The following PSME4 variants were observed in gnomAD, a reference collection of about 807,000 sequenced individuals.
The protein encoded by PSME4 is proteasome activator complex subunit 4.
In PSME4, 89 loss-of-function variants were observed where a neutral mutation model predicts 253.9. That is an observed-to-expected ratio of 0.35 (90% CI 0.30 to 0.42). The LOEUF (loss-of-function observed/expected upper bound fraction) is 0.42. Among genes scored for constraint, PSME4 ranks in the 10% least tolerant of loss-of-function variants. The pLI, the probability that PSME4 is intolerant of heterozygous loss-of-function variation, is 1.00. For missense variants in PSME4, 2,014 were observed against 2,195.2 expected (o/e 0.92, Z 1.65); for synonymous variants, 851 against 759.2 (o/e 1.12, Z -1.99).
intron 36 of PSME4, 74 bp downstream of exon 36, chr2:53,892,734 G>T: frequency 1.5e-6 from 2 of 1,341,444 alleles, no homozygotes; most frequent in African/African-American, 1.5e-5. Flanking sequence ...AGTATCTAAT[G>T]TGTTGGGAAT....
chr2:53,877,718 A>G (rs1679201649), intron 41 of PSME4, among the ~76,000 whole-genome samples: 1 of 152,186 alleles, frequency 6.6e-6, no homozygotes, highest in Non-Finnish European at 1.5e-5. Flanking sequence ...GGCCAAAGAC[A>G]GAGCCCAAGG....
intron 1 of PSME4, among the ~76,000 whole-genome samples, chr2:53,969,196 C>T (rs1262712745): frequency 3.3e-5 from 5 of 152,060 alleles, no homozygotes; most frequent in East Asian, 1.9e-4. Context: ...CTGCTTCTGC[C>T]GCCCCTCACC....
At chr2:53,900,100 T>C in intron 28 of PSME4, 83 bp from the exon 29 acceptor site, 2 of 1,267,024 alleles carry the variant, frequency 1.6e-6, no homozygotes, top group Non-Finnish European at 1.1e-6. Context: ...TCATGCTAAG[T>C]GAAAGAGGCC....
At chr2:53,895,929 G>C (rs1680118278) in intron 32 of PSME4, among the ~76,000 whole-genome samples, 193 bp from the exon 33 acceptor site, 1 of 152,132 alleles carries the variant, frequency 6.6e-6, no homozygotes, top group African/African-American at 2.4e-5. Context: ...CTACTAAATT[G>C]TGTTGAATCA....
chr2:53,925,486 C>T, intron 14 of PSME4, 53 bp downstream of exon 14: 4 of 1,424,230 alleles, frequency 2.8e-6, no homozygotes, highest in Non-Finnish European at 3.8e-6. Flanking sequence ...AATTTTAAAA[C>T]ATCAAATGAA....
At chr2:53,954,357 G>A (rs947703028) in intron 1 of PSME4, among the ~76,000 whole-genome samples, 5 of 151,776 alleles carry the variant, frequency 3.3e-5, no homozygotes, top group Non-Finnish European at 4.4e-5. Flanking sequence ...GAAAGACAGT[G>A]GGCTAGGCGC....
intron 1 of PSME4, among the ~76,000 whole-genome samples, chr2:53,969,378 A>G (rs1382853068): frequency 1.3e-5 from 2 of 152,178 alleles, no homozygotes. Flanking sequence ...GAAATGAGAA[A>G]TTTGTCAGAG....
chr2:53,925,855 G>A, intron 13 of PSME4, 104 bp downstream of exon 13: 1 of 1,295,546 alleles, frequency 7.7e-7, no homozygotes. Flanking sequence ...AGCACCAGTA[G>A]TAGCTAAATA....
At position 53,906,824 on chromosome 2, in the gene PSME4, T is replaced by C; in HGVS notation, c.2829A>G (p.Arg943=). The C allele has an allele frequency of 6.2e-7, 1 of 1,613,668 alleles. No homozygotes were observed. The highest frequency in any genetic ancestry group is 1.1e-5 in the South Asian group (1 of 91,004). ...TATTTACCTCATGCTGTAACATTAC[T>C]CTATCAATCAACAGTGCTCTGATAT... is the stretch of plus-strand genomic sequence containing the variant. ...KQHIRALLID[R]VMLQHELRTL... is the part of the protein sequence containing the mutation. The change falls in exon 25 of 47, where the codon AGA becomes AGG. Residue 943 remains arginine, a synonymous_variant. Coordinates refer to ENST00000404125, the MANE Select transcript of PSME4 (RefSeq NM_014614.3).
intron 1 of PSME4, among the ~76,000 whole-genome samples, chr2:53,958,909 A>T (rs1670355317): frequency 6.6e-6 from 1 of 152,142 alleles, no homozygotes. Flanking sequence ...CAAATTACCA[A>T]CAAAAAAATT....
chr2:53,875,293 G>A (rs551966965), intron 42 of PSME4, among the ~76,000 whole-genome samples: 4 of 152,258 alleles, frequency 2.6e-5, no homozygotes, highest in African/African-American at 9.6e-5. Flanking sequence ...GAAAAGACCA[G>A]GTAACAGAAG....
At position 53,871,518 on chromosome 2, in the gene PSME4, T is replaced by C. The variant is rs146006250; in HGVS notation, c.5101-1980A>G. Among the ~76,000 whole-genome samples, 1,456 of 152,180 alleles carry C rather than the reference T, an allele frequency of 9.6e-3. 26 individuals are homozygous for C. Among genetic ancestry groups the C allele is most frequent in the African/African-American group, 0.033 (1,370 of 41,528 alleles). On this transcript the variant is annotated intron_variant, in intron 43 of 46. Coordinates refer to ENST00000404125, the MANE Select transcript of PSME4 (RefSeq NM_014614.3). ...ATCCGCCCACCTCGGCCTCCCAAAG[T>C]GCTGGGATTACAGGCATGAGCCACC... is the stretch of plus-strand genomic sequence containing the variant.
intron 4 of PSME4, 127 bp from the exon 5 acceptor site, chr2:53,937,667 C>A (rs1669186290): frequency 1.2e-6 from 1 of 838,492 alleles, no homozygotes; most frequent in Non-Finnish European, 1.9e-6. Context: ...ACACAGTCTA[C>A]AAATGTCCAA....
At chr2:53,886,543 G>C (rs1273978205) in intron 40 of PSME4, among the ~76,000 whole-genome samples, 1 of 152,182 alleles carries the variant, frequency 6.6e-6, no homozygotes, top group African/African-American at 2.4e-5. Context: ...CTTTAAAAAA[G>C]CAAGCAAACA....
At chr2:53,871,129 T>C (rs1190112083) in intron 43 of PSME4, among the ~76,000 whole-genome samples, 1 of 152,228 alleles carries the variant, frequency 6.6e-6, no homozygotes, top group Admixed American at 6.5e-5. Context: ...CATTTTTGTT[T>C]TGTGAAGGGA....
At chr2:53,965,980 G>T (rs930620285) in intron 1 of PSME4, among the ~76,000 whole-genome samples, 1 of 152,122 alleles carries the variant, frequency 6.6e-6, no homozygotes, top group Non-Finnish European at 1.5e-5. Flanking sequence ...CCAAAATTTG[G>T]TTTTTTAACA....
chr2:53,906,758 G>A, intron 25 of PSME4, 48 bp downstream of exon 25: 3 of 1,599,288 alleles, frequency 1.9e-6, no homozygotes, highest in Admixed American at 1.8e-5. Flanking sequence ...ATACTCATCT[G>A]GAAAATTGAC....
Position 53,893,664 on chromosome 2 carries a change from A to G in PSME4, c.4038+10T>C. 3.7e-6 allele frequency: 6 copies of G among 1,607,640 alleles called. No homozygotes were observed. The highest frequency in any genetic ancestry group is 1.1e-5 in the South Asian group (1 of 90,280). ...GCATTACAAAGAGGATATGTAAACA[A>G]TATAGTTACCTTAAAGAGGCAAAAA... On this transcript the variant is annotated intron_variant, in intron 35 of 46. Coordinates refer to ENST00000404125, the MANE Select transcript of PSME4 (RefSeq NM_014614.3).
At chr2:53,923,197 G>C in intron 15 of PSME4, 79 bp from the exon 16 acceptor site, 1 of 1,476,714 alleles carries the variant, frequency 6.8e-7, no homozygotes. Context: ...GCAGTAAAAG[G>C]CTGTAAATAA....
Sources: allele counts gnomAD v4.1 joint callset (sites outside exome capture counted in the v4.1 genomes callset), GRCh38; gene constraint gnomAD v4.1.1; transcripts MANE v1.5; gene names NCBI Gene and HGNC (gene_info 2026-07-23, HGNC 2026-07-21).